The following STAG1 variants were observed in gnomAD, a reference collection of about 807,000 sequenced individuals.
The protein encoded by STAG1 is cohesin subunit SA-1.
In STAG1, 26 loss-of-function variants were observed where a neutral mutation model predicts 170.9. That is an observed-to-expected ratio of 0.15 (90% confidence interval 0.11 to 0.21). The LOEUF (loss-of-function observed/expected upper bound fraction) is 0.21, where lower values mean the gene tolerates loss of function less well. Ranked by LOEUF, STAG1 falls within the 10% of genes least tolerant of loss-of-function variation. The pLI, the probability that STAG1 is intolerant of heterozygous loss-of-function variation, is 1.00. For missense variants in STAG1, 964 were observed against 1,509.5 expected, an observed-to-expected ratio of 0.64 and a Z score of 5.99; for synonymous variants, 514 against 497.7, an observed-to-expected ratio of 1.03 and a Z score of -0.44.
intron 7 of STAG1, among the ~76,000 whole-genome samples, 189 bp downstream of exon 7, chr3:136,521,024 T>C (rs1347541521): frequency 2.0e-5 from 3 of 152,052 alleles, no homozygotes; most frequent in African/African-American, 7.2e-5. Flanking sequence ...GGCCAGAAAA[T>C]TTCAATTTTC....
At chr3:136,592,045 G>A (rs967852278) in intron 4 of STAG1, among the ~76,000 whole-genome samples, 7 of 152,124 alleles carry the variant, frequency 4.6e-5, no homozygotes, top group Admixed American at 4.6e-4. Flanking sequence ...TCAAACTGAA[G>A]AATGGAAGGA....
At chr3:136,526,027 A>G (rs926905355) in intron 6 of STAG1, among the ~76,000 whole-genome samples, 3 of 152,304 alleles carry the variant, frequency 2.0e-5, no homozygotes, top group East Asian at 1.9e-4. Context: ...TATGTGGTCA[A>G]TTTTGGAATA....
At chr3:136,469,492 A>T (rs113704504) in intron 12 of STAG1, among the ~76,000 whole-genome samples, 1 of 143,068 alleles carries the variant, frequency 7.0e-6, no homozygotes, top group Non-Finnish European at 1.6e-5. Flanking sequence ...AGACGACACA[A>T]ACAAATGGAA....
At chr3:136,530,455 G>C (rs898793233) in intron 6 of STAG1, among the ~76,000 whole-genome samples, 2 of 152,142 alleles carry the variant, frequency 1.3e-5, no homozygotes, top group Non-Finnish European at 1.5e-5. Context: ...GTTCAGGGTG[G>C]TATGGCCATA....
chr3:136,521,969 T>C (rs1000886523), intron 6 of STAG1, among the ~76,000 whole-genome samples: 2 of 152,344 alleles, frequency 1.3e-5, no homozygotes, highest in Middle Eastern at 3.4e-3. Context: ...CTTCATACAC[T>C]GGACTGATTA....
At chr3:136,394,472 G>A (rs1315659601) in intron 22 of STAG1, among the ~76,000 whole-genome samples, 1 of 152,088 alleles carries the variant, frequency 6.6e-6, no homozygotes, top group Non-Finnish European at 1.5e-5. Context: ...CATAAAAGAT[G>A]CTGCAGCATT....
At chr3:136,472,302 C>A (rs894564682) in intron 12 of STAG1, 111 bp downstream of exon 12, 6 of 564,240 alleles carry the variant, frequency 1.1e-5, no homozygotes, top group Admixed American at 3.6e-5. Flanking sequence ...AAAGTTGAAC[C>A]TAAAATGATA....
At chr3:136,751,803 C>G (rs1290623227) in intron 1 of STAG1, among the ~76,000 whole-genome samples, 1 of 120,382 alleles carries the variant, frequency 8.3e-6, no homozygotes, top group African/African-American at 3.8e-5. Context: ...TCCCGAGAGC[C>G]CGGGCGGGGG....
At chr3:136,611,160 T>C (rs922846398) in intron 3 of STAG1, among the ~76,000 whole-genome samples, 1 of 152,192 alleles carries the variant, frequency 6.6e-6, no homozygotes, top group Non-Finnish European at 1.5e-5. Context: ...ATAATTTTTT[T>C]TTCTTTTAGA....
At chr3:136,356,605 C>T (rs2108277632) in intron 28 of STAG1, among the ~76,000 whole-genome samples, 1 of 152,232 alleles carries the variant, frequency 6.6e-6, no homozygotes, top group South Asian at 2.1e-4. Context: ...TGGTCTTGAA[C>T]TCCTGGACTC....
At chr3:136,349,014 C>T in intron 29 of STAG1, 144 bp downstream of exon 29, 1 of 663,082 alleles carries the variant, frequency 1.5e-6, no homozygotes, top group Non-Finnish European at 2.6e-6. Context: ...CTGTTTCAAC[C>T]TTTTTGCCTT....
chr3:136,618,646 A>G (rs1254211586), intron 3 of STAG1, among the ~76,000 whole-genome samples: 1 of 152,214 alleles, frequency 6.6e-6, no homozygotes, highest in Non-Finnish European at 1.5e-5. Context: ...GCTGATTTAC[A>G]TGACAACTAC....
At chr3:136,472,558 T>C in intron 11 of STAG1, 66 bp from the exon 12 acceptor site, 1 of 1,145,322 alleles carries the variant, frequency 8.7e-7, no homozygotes, top group Non-Finnish European at 1.3e-6. Context: ...AGATCTAATA[T>C]AATGTATTCT....
intron 1 of STAG1, among the ~76,000 whole-genome samples, chr3:136,639,883 T>C (rs986223044): frequency 5.8e-4 from 88 of 152,324 alleles, no homozygotes; most frequent in African/African-American, 1.9e-3. Context: ...AAACTATGTA[T>C]GTGTGTGAAA....
At chr3:136,522,932 T>C (rs891809563) in intron 6 of STAG1, among the ~76,000 whole-genome samples, 1 of 152,168 alleles carries the variant, frequency 6.6e-6, no homozygotes, top group Non-Finnish European at 1.5e-5. Flanking sequence ...TATTCCACAG[T>C]GTATATGTGC....
intron 9 of STAG1, among the ~76,000 whole-genome samples, chr3:136,494,347 C>T (rs771262081): frequency 2.0e-5 from 3 of 152,116 alleles, no homozygotes; most frequent in Admixed American, 6.6e-5. Flanking sequence ...TAATTAAAAA[C>T]CTTTACACAA....
At chr3:136,742,592 G>C (rs921109726) in intron 1 of STAG1, among the ~76,000 whole-genome samples, 2 of 151,948 alleles carry the variant, frequency 1.3e-5, no homozygotes, top group African/African-American at 2.4e-5. Context: ...GTGTGCGCCT[G>C]TAATCCCAGC....
chr3:136,461,643 C>A (rs2089277722), intron 13 of STAG1, among the ~76,000 whole-genome samples: 3 of 149,546 alleles, frequency 2.0e-5, no homozygotes, highest in Admixed American at 6.7e-5. Context: ...GAATATTAGT[C>A]TGGGTAGAGT....
intron 5 of STAG1, among the ~76,000 whole-genome samples, chr3:136,544,063 A>C (rs1936032503): frequency 6.6e-6 from 1 of 152,172 alleles, no homozygotes; most frequent in South Asian, 2.1e-4. Context: ...GTAATTCCAG[A>C]GGTTTTCCCA....
Sources: gnomAD v4.1 joint callset for allele counts (sites outside exome capture counted in the v4.1 genomes callset) on GRCh38, gnomAD v4.1.1 for gene constraint, MANE v1.5 for transcripts, NCBI Gene and HGNC (gene_info 2026-07-23, HGNC 2026-07-21) for gene names.